The following CDKN2B-AS1 variants were observed in gnomAD, a reference collection of about 807,000 sequenced individuals.
CDKN2B-AS1 encodes CDKN2B and CDKN2A antisense cis and trans regulatory RNA 1, also known as CDKN2B antisense RNA 1 (non-protein coding).
chr9:22,007,673 C>G (rs2131186201), intron 1 of CDKN2B-AS1, among the ~76,000 whole-genome samples: 1 of 152,064 alleles, frequency 6.6e-6, no homozygotes, highest in Admixed American at 6.5e-5. Flanking sequence ...CATTTCATCT[C>G]TTAAAAACCG....
At position 22,117,441 on chromosome 9, in the gene CDKN2B-AS1, A is replaced by G. The variant is rs1384131054; in HGVS notation, n.439-9662A>G. On this transcript the variant is annotated intron_variant and non_coding_transcript_variant, in intron 4 of 4. Transcript: ENST00000650946. The stretch of plus-strand genomic sequence containing the variant: ...CTTAACCTGAAATTGAAAACCCTGA[A>G]ATCATGTTTCCAAGGAAGGAGAAGG... The G allele has an allele frequency of 2.0e-5, 3 of 152,338 alleles. No individual in the cohort carries two copies. In the East Asian group the frequency reaches 5.8e-4, roughly 29 times the overall value. The allele number at this position is 152,338 out of a possible 1,614,324, so 9.4% of individuals were successfully genotyped here. A position where few individuals can be genotyped will look rare whatever the true frequency, so the allele number is the denominator to read the frequency against.
chr9:22,002,987 A>G (rs564227803), intron 1 of CDKN2B-AS1: 45 of 200,650 alleles, frequency 2.2e-4, no homozygotes, highest in Admixed American at 6.6e-4. Context: ...AACCTTGGTA[A>G]TGTCTTAGGT....
chr9:22,029,549 G>A, intron 1 of CDKN2B-AS1: 1 of 778,854 alleles, frequency 1.3e-6, no homozygotes, highest in Non-Finnish European at 2.4e-6. Context: ...CTTTCTTTGT[G>A]GTAGTTAGGG....
At chr9:22,102,603 T>G (rs1208422918) in intron 4 of CDKN2B-AS1, among the ~76,000 whole-genome samples, 1 of 152,170 alleles carries the variant, frequency 6.6e-6, no homozygotes, top group Non-Finnish European at 1.5e-5. Context: ...TTTCTGCCTC[T>G]GTTTTCGTAT....
rs542047894 is a variant in CDKN2B-AS1 at position 22,005,750 on chromosome 9, A to G, written n.29+10589A>G. Reference sequence around the variant, plus strand: ...GTCACACACTCCTAAATATCCCTGGAAATCCGCTTCTCTGTGTTTCGCTTC... The same window carrying G: ...GTCACACACTCCTAAATATCCCTGGGAATCCGCTTCTCTGTGTTTCGCTTC... On this transcript the variant is annotated intron_variant and non_coding_transcript_variant, in intron 1 of 4. Transcript: ENST00000650946. This position sits in a 1 kb window ranked among gnomAD's most constrained non-coding sequence, Gnocchi z 4.9. 142 of 609,596 alleles carry G rather than the reference A, an allele frequency of 2.3e-4. No homozygotes were observed. Among genetic ancestry groups the G allele is most frequent in the African/African-American group, 2.3e-3 (124 of 54,188 alleles). 37.8% of individuals were successfully genotyped at this position (609,596 alleles called of 1,614,324 possible).
At chr9:22,061,064 G>C (rs1209034129) in intron 4 of CDKN2B-AS1, among the ~76,000 whole-genome samples, 1 of 152,170 alleles carries the variant, frequency 6.6e-6, no homozygotes, top group Non-Finnish European at 1.5e-5. Context: ...ATCTTGTACT[G>C]ATAATTAATA....
intron 1 of CDKN2B-AS1, chr9:22,031,089 A>G (rs560257276): frequency 6.6e-6 from 1 of 152,202 alleles, no homozygotes; most frequent in Non-Finnish European, 1.5e-5. Context: ...TGTATATATC[A>G]CCTTCACAAT....
chr9:22,057,591 T>C (rs577840496), intron 4 of CDKN2B-AS1, among the ~76,000 whole-genome samples: 2 of 152,200 alleles, frequency 1.3e-5, no homozygotes, highest in African/African-American at 4.8e-5. Flanking sequence ...GGCTGATTGC[T>C]TGAGCTCAGG....
chr9:22,042,291 C>A (rs1031799615), intron 1 of CDKN2B-AS1, among the ~76,000 whole-genome samples: 9 of 152,074 alleles, frequency 5.9e-5, no homozygotes, highest in African/African-American at 1.9e-4. Context: ...ATGTTTCAGG[C>A]ACTGGACACT....
At chr9:22,047,762 C>T (rs757956022) in intron 2 of CDKN2B-AS1, among the ~76,000 whole-genome samples, 1 of 151,736 alleles carries the variant, frequency 6.6e-6, no homozygotes, top group African/African-American at 2.4e-5. Flanking sequence ...TGTGGTTAGA[C>T]ACTGTTGATG....
intron 4 of CDKN2B-AS1, among the ~76,000 whole-genome samples, chr9:22,068,841 A>G (rs1256170225): frequency 1.3e-5 from 2 of 152,228 alleles, no homozygotes; most frequent in African/African-American, 4.8e-5. Flanking sequence ...CTGATGGTCA[A>G]CCTGTTCAAT....
At chr9:22,109,741 C>T (rs577365415) in intron 4 of CDKN2B-AS1, among the ~76,000 whole-genome samples, 3 of 152,100 alleles carry the variant, frequency 2.0e-5, no homozygotes, top group Non-Finnish European at 4.4e-5. Context: ...TAAAAGAGAT[C>T]ATTCAAAAGT....
At chr9:22,071,928 T>A (rs1348696379) in intron 4 of CDKN2B-AS1, among the ~76,000 whole-genome samples, 1 of 152,192 alleles carries the variant, frequency 6.6e-6, no homozygotes, top group Non-Finnish European at 1.5e-5. Flanking sequence ...CTAGGACATG[T>A]GGAATCTTCA....
intron 1 of CDKN2B-AS1, among the ~76,000 whole-genome samples, chr9:22,043,753 G>A (rs1232490607): frequency 6.6e-6 from 1 of 151,960 alleles, no homozygotes; most frequent in Admixed American, 6.6e-5. Flanking sequence ...AGTAATAACA[G>A]TAGCTGTTAC....
At chr9:22,019,510 G>A (rs1405370128) in intron 1 of CDKN2B-AS1, among the ~76,000 whole-genome samples, 2 of 152,144 alleles carry the variant, frequency 1.3e-5, no homozygotes, top group Non-Finnish European at 2.9e-5. Flanking sequence ...AATGAGAGAG[G>A]TTGGTGATCA....
chr9:22,070,991 C>T (rs551508347), intron 4 of CDKN2B-AS1, among the ~76,000 whole-genome samples: 82 of 151,978 alleles, frequency 5.4e-4, no homozygotes, highest in Non-Finnish European at 9.4e-4. Context: ...ACACAGTGGA[C>T]CAATGGGGGA....
chr9:22,033,695 G>A (rs927268752), intron 1 of CDKN2B-AS1, among the ~76,000 whole-genome samples: 5 of 152,296 alleles, frequency 3.3e-5, no homozygotes, highest in Admixed American at 3.3e-4. Flanking sequence ...AGTTTGAGTA[G>A]TGAGATGCCA....
intron 1 of CDKN2B-AS1, among the ~76,000 whole-genome samples, chr9:22,036,085 T>C (rs1822677663): frequency 6.6e-6 from 1 of 152,126 alleles, no homozygotes; most frequent in African/African-American, 2.4e-5. Flanking sequence ...CTCTCTCCTT[T>C]CTTATCATGA....
intron 1 of CDKN2B-AS1, chr9:22,029,746 A>G (rs1587426863): frequency 2.0e-5 from 8 of 396,916 alleles, no homozygotes; most frequent in East Asian, 1.9e-4. Context: ...TTCCATTTTC[A>G]TGTGTTTATT....
Sources: allele counts gnomAD v4.1 joint callset (sites outside exome capture counted in the v4.1 genomes callset), GRCh38; gene constraint gnomAD v4.1.1; non-coding constraint Gnocchi (gnomAD v3.1); transcripts MANE v1.5; gene names NCBI Gene and HGNC (gene_info 2026-07-23, HGNC 2026-07-21).